The following UBTD1 variants were observed in gnomAD, a reference collection of about 807,000 sequenced individuals.
The protein encoded by UBTD1 is ubiquitin domain containing 1.
In UBTD1, 19 loss-of-function variants were observed where a neutral mutation model predicts 21.7. The ratio of observed to expected loss-of-function variants is 0.87; its 90% confidence interval spans 0.61 to 1.28. The LOEUF is 1.28. UBTD1 is among the 50% of genes most tolerant of loss of function. UBTD1 has a pLI of 0.00. For synonymous variants in UBTD1, 116 were observed against 135.1 expected (o/e 0.86, Z 0.98); for missense variants, 282 against 315.1 (o/e 0.89, Z 0.80).
At chr10:97,535,223 C>T (rs1319614081) in intron 1 of UBTD1, among the ~76,000 whole-genome samples, 1 of 152,194 alleles carries the variant, frequency 6.6e-6, no homozygotes, top group Non-Finnish European at 1.5e-5. Flanking sequence ...CTACCAGCTC[C>T]GTGTGAACGG....
intron 1 of UBTD1, among the ~76,000 whole-genome samples, chr10:97,559,944 C>T (rs2040684867): frequency 6.6e-6 from 1 of 151,622 alleles, no homozygotes; most frequent in African/African-American, 2.4e-5. Context: ...ATCTTTTTAC[C>T]AAAAGTATAT....
chr10:97,527,977 G>A (rs1367881291), intron 1 of UBTD1, among the ~76,000 whole-genome samples: 4 of 152,014 alleles, frequency 2.6e-5, no homozygotes, highest in Admixed American at 1.3e-4. Flanking sequence ...CCTCCCAGAC[G>A]GGGTGGTGGC....
At chr10:97,511,996 T>A (rs1351399442) in intron 1 of UBTD1, among the ~76,000 whole-genome samples, 2 of 152,292 alleles carry the variant, frequency 1.3e-5, no homozygotes, top group East Asian at 3.9e-4. Context: ...CCTGGAGGCT[T>A]ACACCTTAGC....
At chr10:97,540,448 G>A (rs1047569106) in intron 1 of UBTD1, among the ~76,000 whole-genome samples, 1 of 152,210 alleles carries the variant, frequency 6.6e-6, no homozygotes, top group African/African-American at 2.4e-5. Flanking sequence ...CCACCCAGCT[G>A]TGTGGCCTTT....
intron 1 of UBTD1, among the ~76,000 whole-genome samples, chr10:97,554,180 A>T (rs572175492): frequency 1.3e-5 from 2 of 152,242 alleles, no homozygotes; most frequent in East Asian, 3.9e-4. Context: ...TTGTAGTCAC[A>T]GTCCAGCAAC....
chr10:97,561,804 C>T (rs890298907), intron 1 of UBTD1, among the ~76,000 whole-genome samples: 7 of 152,278 alleles, frequency 4.6e-5, no homozygotes, highest in African/African-American at 1.7e-4. Flanking sequence ...TCTCTCTTCC[C>T]TCACGAGCAT....
chr10:97,518,750 T>C (rs909121604), intron 1 of UBTD1, among the ~76,000 whole-genome samples: 6 of 152,186 alleles, frequency 3.9e-5, no homozygotes, highest in Non-Finnish European at 7.3e-5. Context: ...AATGAGAGGG[T>C]TGCCAGACTG....
rs527486694 is a variant in UBTD1 at position 97,540,740 on chromosome 10, G to A, written c.71-27174G>A. Among the ~76,000 whole-genome samples, 6 of 152,340 alleles carry A rather than the reference G, an allele frequency of 3.9e-5. No individual in the cohort carries two copies. The East Asian group carries it at 9.6e-4, about 24-fold the overall frequency. ...CAACCTACTGGTACTGCTTATCTGG[G>A]TCCAGGCTAGGAGCTGGGTATCTAG... On this transcript the variant is annotated intron_variant, in intron 1 of 2. Transcript: ENST00000370664.
chr10:97,561,278 C>T (rs888408743), intron 1 of UBTD1, among the ~76,000 whole-genome samples: 1 of 152,144 alleles, frequency 6.6e-6, no homozygotes, highest in Non-Finnish European at 1.5e-5. Flanking sequence ...GAGGGGCTGC[C>T]TCAGCCGTCC....
intron 1 of UBTD1, among the ~76,000 whole-genome samples, chr10:97,541,201 G>T (rs1406191270): frequency 6.6e-6 from 1 of 152,196 alleles, no homozygotes; most frequent in Non-Finnish European, 1.5e-5. Context: ...ATCTTACCAG[G>T]CACGGTGGCT....
intron 1 of UBTD1, among the ~76,000 whole-genome samples, chr10:97,560,662 G>A (rs1232590289): frequency 6.6e-6 from 1 of 152,114 alleles, no homozygotes; most frequent in Non-Finnish European, 1.5e-5. Flanking sequence ...ATGCTGGCCA[G>A]TCTATTTCAC....
At chr10:97,525,662 C>T (rs2040485342) in intron 1 of UBTD1, among the ~76,000 whole-genome samples, 1 of 152,116 alleles carries the variant, frequency 6.6e-6, no homozygotes, top group Non-Finnish European at 1.5e-5. Flanking sequence ...TCTCTGGTCC[C>T]CCATTCTCAA....
At chr10:97,519,255 G>A (rs746408049) in intron 1 of UBTD1, among the ~76,000 whole-genome samples, 7 of 152,216 alleles carry the variant, frequency 4.6e-5, no homozygotes, top group African/African-American at 9.6e-5. Flanking sequence ...GGATGGTAGA[G>A]GTTGTAGTAT....
At chr10:97,562,024 G>A (rs1163794081) in intron 1 of UBTD1, among the ~76,000 whole-genome samples, 1 of 152,178 alleles carries the variant, frequency 6.6e-6, no homozygotes, top group East Asian at 1.9e-4. Flanking sequence ...TGAAAAACGA[G>A]TTCAGGCCAT....
At chr10:97,500,883 AC>A (rs1360736961) in intron 1 of UBTD1, among the ~76,000 whole-genome samples, 2 of 152,210 alleles carry the variant, frequency 1.3e-5, no homozygotes, top group Admixed American at 1.3e-4. Context: ...CTAGATGCCC[AC>A]TGGACACTGT....
intron 1 of UBTD1, among the ~76,000 whole-genome samples, chr10:97,536,211 C>T (rs1197728860): frequency 6.6e-6 from 1 of 151,964 alleles, no homozygotes; most frequent in Non-Finnish European, 1.5e-5. Context: ...AGGCTTGTCT[C>T]GAACTCCTGA....
At chr10:97,508,050 T>G (rs1013878528) in intron 1 of UBTD1, among the ~76,000 whole-genome samples, 3 of 152,230 alleles carry the variant, frequency 2.0e-5, no homozygotes, top group Non-Finnish European at 4.4e-5. Flanking sequence ...CAGCTCACCT[T>G]TGCAGGGTGT....
chr10:97,570,892 G>T lies in UBTD1; in HGVS notation c.*369G>T, dbSNP rs2040745938. ...CTGCTCAGGGTCTGAAGCAGCTGCT[G>T]TCTCCCTCCTCTGCCCCCATCCCCT... On this transcript the variant is annotated 3_prime_UTR_variant, in exon 3 of 3. Transcript: ENST00000370664. The surrounding 1 kb of genome is among the most constrained non-coding windows in gnomAD (Gnocchi z 6.6). 2 of 215,472 alleles carry T rather than the reference G, an allele frequency of 9.3e-6. No individual in the cohort carries two copies. Among genetic ancestry groups the T allele is most frequent in the Non-Finnish European group, 1.9e-5 (2 of 105,520 alleles). 13.3% of individuals were successfully genotyped at this position (215,472 alleles called of 1,614,324 possible). A position where few individuals can be genotyped will look rare whatever the true frequency, so the allele number is the denominator to read the frequency against.
Position 97,570,369 on chromosome 10 carries a change from A to G in UBTD1, c.530A>G (p.Gln177Arg). 6.2e-7 allele frequency: 1 copy of G among 1,613,332 alleles called. No homozygotes were observed. The highest frequency in any genetic ancestry group is 8.5e-7 in the Non-Finnish European group (1 of 1,179,982). Residue 177 changes from glutamine to arginine, a missense_variant, in exon 3 of 3, where the codon CAG becomes CGG. Coordinates refer to ENST00000370664, the MANE Select transcript of UBTD1 (RefSeq NM_024954.5). The surrounding 1 kb of genome is among the most constrained non-coding windows in gnomAD (Gnocchi z 6.6). ...LPDTVGQLKRQLHAQEGIEPS... is the reference protein window; with the variant it reads ...LPDTVGQLKRRLHAQEGIEPS... ...GACACAGTGGGGCAGCTCAAGAGGC[A>G]GCTGCACGCCCAGGAGGGCATCGAG... is the stretch of plus-strand genomic sequence containing the variant.
Sources: allele counts gnomAD v4.1 joint callset (sites outside exome capture counted in the v4.1 genomes callset), GRCh38; gene constraint gnomAD v4.1.1; non-coding constraint Gnocchi (gnomAD v3.1); transcripts MANE v1.5; gene names NCBI Gene and HGNC (gene_info 2026-07-23, HGNC 2026-07-21).